GABRA4: variants seen among roughly 807,000 people sequenced by gnomAD.
GABRA4 encodes the protein gamma-aminobutyric acid receptor subunit alpha-4.
In GABRA4, 12 loss-of-function variants were observed where a neutral mutation model predicts 49.7. The ratio of observed to expected loss-of-function variants is 0.24; its 90% CI spans 0.15 to 0.39. GABRA4 has a LOEUF of 0.39. Among genes scored for constraint, GABRA4 ranks in the 10% least tolerant of loss-of-function variants. GABRA4 has a pLI of 1.00. For missense variants in GABRA4, 506 were observed against 686.0 expected (o/e 0.74, Z 2.93); for synonymous variants, 288 against 240.2 (o/e 1.20, Z -1.84).
At chr4:46,950,169 T>G (rs888355432) in intron 8 of GABRA4, among the ~76,000 whole-genome samples, 1 of 151,842 alleles carries the variant, frequency 6.6e-6, no homozygotes, top group Admixed American at 6.6e-5. Context: ...CAAGAGAGAG[T>G]GCCTGTTGAA....
intron 6 of GABRA4, among the ~76,000 whole-genome samples, chr4:46,973,135 T>A (rs755115363): frequency 9.2e-5 from 14 of 151,728 alleles, no homozygotes; most frequent in Non-Finnish European, 1.8e-4. Context: ...GAGAAAAAAA[T>A]ACATGGAAAT....
chr4:46,951,454 C>T (rs1211456987), intron 8 of GABRA4, among the ~76,000 whole-genome samples: 1 of 151,730 alleles, frequency 6.6e-6, no homozygotes, highest in Non-Finnish European at 1.5e-5. Context: ...TAAATCTGCC[C>T]AATAAACTAA....
intron 8 of GABRA4, among the ~76,000 whole-genome samples, chr4:46,956,943 G>A (rs902077733): frequency 2.6e-5 from 4 of 151,968 alleles, no homozygotes; most frequent in African/African-American, 9.7e-5. Flanking sequence ...GCTTGCCATA[G>A]CGCTAAATAA....
chr4:46,952,938 C>T (rs1039803305), intron 8 of GABRA4, among the ~76,000 whole-genome samples: 1 of 151,978 alleles, frequency 6.6e-6, no homozygotes, highest in Non-Finnish European at 1.5e-5. Flanking sequence ...ATTGCTATCA[C>T]CAGCAACCAT....
chr4:46,967,625 T>C (rs1254333270), intron 7 of GABRA4, among the ~76,000 whole-genome samples: 2 of 151,678 alleles, frequency 1.3e-5, no homozygotes, highest in Non-Finnish European at 3.0e-5. Flanking sequence ...AAACCAACTC[T>C]TCAGAATAAG....
intron 8 of GABRA4, among the ~76,000 whole-genome samples, chr4:46,954,037 T>C (rs1472288985): frequency 7.9e-5 from 12 of 152,150 alleles, no homozygotes; most frequent in Admixed American, 7.9e-4. Context: ...GTAAAAAGTA[T>C]TGCTGTGAAG....
chr4:46,948,920 C>T (rs1722070925), intron 8 of GABRA4, among the ~76,000 whole-genome samples: 1 of 152,206 alleles, frequency 6.6e-6, no homozygotes, highest in East Asian at 1.9e-4. Flanking sequence ...AATTTTACTC[C>T]TTTCCATATA....
intron 8 of GABRA4, among the ~76,000 whole-genome samples, chr4:46,948,390 T>C (rs556261492): frequency 7.9e-5 from 12 of 152,082 alleles, no homozygotes; most frequent in Non-Finnish European, 1.3e-4. Context: ...AGTAATCTGA[T>C]TGTGGGGAGC....
chr4:46,992,804 T>C, intron 2 of GABRA4, 24 bp downstream of exon 2: 1 of 1,528,200 alleles, frequency 6.5e-7, no homozygotes, highest in Non-Finnish European at 9.1e-7. Flanking sequence ...CAGGACACAC[T>C]TGCGCGTTTG....
At position 46,959,820 on chromosome 4, in the gene GABRA4, A is replaced by G. The variant is rs981077160; in HGVS notation, c.1134+5150T>C. ...ACTCACTATAACACAAAAATTATGT[A>G]TATATATATATATATGTGTGTGTGT... is the stretch of plus-strand genomic sequence containing the variant. On this transcript the variant is annotated intron_variant, in intron 8 of 8. Coordinates refer to ENST00000264318, the MANE Select transcript of GABRA4 (RefSeq NM_000809.4). Among the ~76,000 whole-genome samples, 142 of 130,254 alleles carry G rather than the reference A, an allele frequency of 1.1e-3. 4 individuals carry two copies. The South Asian group carries it at 0.031, about 28-fold the overall frequency. The allele number at this position is 130,254 out of a possible 152,430, so 85.5% of individuals were successfully genotyped here.
chr4:46,973,586 T>A (rs1723032378), intron 6 of GABRA4, among the ~76,000 whole-genome samples: 1 of 151,764 alleles, frequency 6.6e-6, no homozygotes, highest in South Asian at 2.1e-4. Flanking sequence ...AAAAAATATT[T>A]TTTCTGGTGA....
intron 7 of GABRA4, among the ~76,000 whole-genome samples, chr4:46,967,474 C>T (rs560641569): frequency 2.0e-4 from 30 of 151,416 alleles, no homozygotes; most frequent in Admixed American, 4.0e-4. Context: ...AATACTAATG[C>T]AGTTATTGAC....
At chr4:46,993,065 A>G (rs924550914) in intron 1 of GABRA4, 119 bp from the exon 2 acceptor site, 1 of 814,836 alleles carries the variant, frequency 1.2e-6, no homozygotes, top group Non-Finnish European at 2.0e-6. Flanking sequence ...GCTAAAGGAG[A>G]GGAGGTTGGG....
intron 8 of GABRA4, among the ~76,000 whole-genome samples, chr4:46,934,716 T>A (rs982906921): frequency 3.3e-5 from 5 of 152,204 alleles, no homozygotes; most frequent in African/African-American, 1.2e-4. Flanking sequence ...ACATTAGAAT[T>A]TCTTTAAGAT....
chr4:46,993,034 G>C, intron 1 of GABRA4, 88 bp from the exon 2 acceptor site: 1 of 1,009,504 alleles, frequency 9.9e-7, no homozygotes, highest in South Asian at 1.3e-5. Flanking sequence ...TGTTTTCTAG[G>C]GAAAGAGTCG....
At chr4:46,952,330 G>A (rs1722200356) in intron 8 of GABRA4, among the ~76,000 whole-genome samples, 1 of 151,990 alleles carries the variant, frequency 6.6e-6, no homozygotes, top group Non-Finnish European at 1.5e-5. Context: ...AATCTAGGAA[G>A]CTAAAAAAAT....
intron 8 of GABRA4, among the ~76,000 whole-genome samples, chr4:46,947,299 A>G (rs770058428): frequency 6.6e-6 from 1 of 152,024 alleles, no homozygotes; most frequent in Admixed American, 6.6e-5. Context: ...ATCACATCAC[A>G]CACGCCGTCT....
rs560530519 is a variant in GABRA4, at chr4:46,944,548, A to G, written c.1135-15793T>C. Reference sequence around the variant, plus strand: ...GTCTGCTCTGAGAGAAACCCAAATTAAAACACCTGGACTCTAGCCAGGATG... The same window carrying G: ...GTCTGCTCTGAGAGAAACCCAAATTGAAACACCTGGACTCTAGCCAGGATG... On this transcript the variant is annotated intron_variant, in intron 8 of 8. Transcript: ENST00000264318. Among the ~76,000 whole-genome samples, 2 of 152,272 alleles carry G rather than the reference A, an allele frequency of 1.3e-5. 1 individual carries two copies. The highest frequency in any genetic ancestry group is 4.1e-4 in the South Asian group (2 of 4,828).
Position 46,919,897 on chromosome 4 carries a change from C to T in GABRA4, c.*8328G>A, listed in dbSNP as rs540151558. 2.6e-5 allele frequency: 4 copies of T among 151,626 alleles called. No individual in the cohort carries two copies. Among genetic ancestry groups the T allele is most frequent in the Non-Finnish European group, 5.9e-5 (4 of 67,622 alleles). 9.4% of individuals were successfully genotyped at this position (151,626 alleles called of 1,614,324 possible). A position where few individuals can be genotyped will look rare whatever the true frequency, so the allele number is the denominator to read the frequency against. On this transcript the variant is annotated 3_prime_UTR_variant, in exon 9 of 9. Transcript: ENST00000264318. ...TACACCTTTGCATGAAAACCGGATT[C>T]TCATTCAATTTACAATGAAGCTCCC...
Sources: allele counts gnomAD v4.1 joint callset (sites outside exome capture counted in the v4.1 genomes callset), GRCh38; gene constraint gnomAD v4.1.1; transcripts MANE v1.5; gene names NCBI Gene and HGNC (gene_info 2026-07-23, HGNC 2026-07-21).